Variants in BTBD9 observed in about 807,000 individuals in gnomAD.
The protein encoded by BTBD9 is BTB domain containing 9, also known as BTB/POZ domain-containing protein 9.
In BTBD9, 49 loss-of-function variants were observed where a neutral mutation model predicts 64.3. The observed-to-expected ratio is 0.76, with a 90% CI of 0.61 to 0.97. BTBD9 has a LOEUF of 0.97. Among genes scored for constraint, BTBD9 ranks in the 50% least tolerant of loss-of-function variants. The probability of loss-of-function intolerance (pLI) is 0.00; values close to 1 mark genes in which losing one functional copy is unlikely to be tolerated. For synonymous variants in BTBD9, 260 were observed against 274.7 expected (o/e 0.95, Z 0.53); for missense variants, 598 against 762.1 (o/e 0.78, Z 2.53).
chr6:38,349,674 C>T (rs1764423861), intron 6 of BTBD9, among the ~76,000 whole-genome samples: 2 of 152,064 alleles, frequency 1.3e-5, no homozygotes, highest in Non-Finnish European at 2.9e-5. Context: ...CAGGCATCCA[C>T]TGAAGGTCTT....
intron 6 of BTBD9, among the ~76,000 whole-genome samples, chr6:38,378,098 T>C (rs1397244864): frequency 6.6e-6 from 1 of 152,088 alleles, no homozygotes; most frequent in Non-Finnish European, 1.5e-5. Context: ...GTCCTCCCAG[T>C]GGAGGACGAC....
At chr6:38,570,260 A>G (rs1562354957) in intron 6 of BTBD9, among the ~76,000 whole-genome samples, 1 of 152,184 alleles carries the variant, frequency 6.6e-6, no homozygotes, top group Non-Finnish European at 1.5e-5. Context: ...CCAAAGAGGT[A>G]GTAAGAGCTT....
chr6:38,401,281 T>C (rs934029141), intron 6 of BTBD9, among the ~76,000 whole-genome samples: 1 of 152,178 alleles, frequency 6.6e-6, no homozygotes, highest in African/African-American at 2.4e-5. Flanking sequence ...CCTGCCACCA[T>C]GTAAAATGTG....
intron 6 of BTBD9, among the ~76,000 whole-genome samples, chr6:38,558,432 T>C (rs1416357597): frequency 6.6e-6 from 1 of 152,190 alleles, no homozygotes; most frequent in East Asian, 1.9e-4. Flanking sequence ...TTCAGTACTA[T>C]GTTGAATAGG....
chr6:38,525,127 T>G (rs1238812812), intron 6 of BTBD9, among the ~76,000 whole-genome samples: 1 of 152,204 alleles, frequency 6.6e-6, no homozygotes, highest in Non-Finnish European at 1.5e-5. Context: ...TCATCTTGAA[T>G]TGTAATCCCC....
intron 6 of BTBD9, among the ~76,000 whole-genome samples, chr6:38,512,815 A>C (rs1158455740): frequency 6.6e-6 from 1 of 152,214 alleles, no homozygotes; most frequent in Non-Finnish European, 1.5e-5. Flanking sequence ...TATTATATTG[A>C]TAGAATTTTG....
chr6:38,357,988 C>G (rs1188364274), intron 6 of BTBD9, among the ~76,000 whole-genome samples: 1 of 151,970 alleles, frequency 6.6e-6, no homozygotes, highest in Non-Finnish European at 1.5e-5. Flanking sequence ...CAGAAAGATT[C>G]AAATCATTGA....
rs985530050 is a variant in BTBD9, at chr6:38,169,733, C to T, written c.*5252G>A. ...GACACTAGTGGGGACAGGTGTGTAG[C>T]TCCTGGCTGCAGGGCCTCCTCCACC... On this transcript the variant is annotated 3_prime_UTR_variant, in exon 11 of 11. Coordinates refer to ENST00000481247, the MANE Select transcript of BTBD9 (RefSeq NM_001099272.2). The T allele has an allele frequency of 7.2e-5, 11 of 152,246 alleles. No individual in the cohort carries two copies. The highest frequency in any genetic ancestry group is 2.4e-4 in the African/African-American group (10 of 41,412). 9.4% of individuals were successfully genotyped at this position (152,246 alleles called of 1,614,324 possible).
intron 7 of BTBD9, among the ~76,000 whole-genome samples, chr6:38,330,225 G>A (rs953920907): frequency 9.9e-5 from 15 of 151,918 alleles, no homozygotes; most frequent in African/African-American, 3.6e-4. Flanking sequence ...GCTAATTTTT[G>A]CATTTTTAGT....
chr6:38,294,919 G>A (rs888077084), intron 7 of BTBD9, among the ~76,000 whole-genome samples: 1 of 151,220 alleles, frequency 6.6e-6, no homozygotes, highest in Non-Finnish European at 1.5e-5. Flanking sequence ...TGTGAAATGG[G>A]ATCTCAGTGT....
intron 7 of BTBD9, among the ~76,000 whole-genome samples, chr6:38,298,738 T>C (rs1762259834): frequency 6.6e-6 from 1 of 152,202 alleles, no homozygotes; most frequent in East Asian, 1.9e-4. Flanking sequence ...ATCAACTTTT[T>C]AAGCTCCCAA....
chr6:38,595,727 G>C, intron 2 of BTBD9: 1 of 980,644 alleles, frequency 1.0e-6, no homozygotes, highest in Non-Finnish European at 1.2e-6. Flanking sequence ...CAGAAAAATA[G>C]TTGAAACCAC....
At position 38,184,255 on chromosome 6, in the gene BTBD9, C is replaced by T. The variant is rs534746151; in HGVS notation, c.1641+8264G>A. On this transcript the variant is annotated intron_variant, in intron 10 of 10. Coordinates refer to ENST00000481247, the MANE Select transcript of BTBD9 (RefSeq NM_001099272.2). This position sits in a 1 kb window ranked among gnomAD's most constrained non-coding sequence, Gnocchi z 4.4. The stretch of plus-strand genomic sequence containing the variant: ...CTGGTACAATGCAGATTCACAGGTA[C>T]CAGGCTGCCCGCTGGGCTTGACTAT... Among the ~76,000 whole-genome samples the T allele has an allele frequency of 3.9e-5, 6 of 152,214 alleles. No individual in the cohort carries two copies. Among genetic ancestry groups the T allele is most frequent in the African/African-American group, 7.2e-5 (3 of 41,458 alleles).
At chr6:38,608,605 T>C (rs1307133013) in intron 1 of BTBD9, among the ~76,000 whole-genome samples, 2 of 152,232 alleles carry the variant, frequency 1.3e-5, no homozygotes, top group Non-Finnish European at 2.9e-5. Context: ...CATTACTGTC[T>C]GTGTAAAGGA....
rs57568036 is a variant in BTBD9, at chr6:38,374,283, G to GTATATATATATA, written c.1155-29202_1155-29191dup. Reference sequence around the variant, plus strand: ...GGCCTTGTGTCGAAAAAAAAAAAAAGTATATATATATATGTATATATATGT... The same window carrying GTATATATATATA: ...GGCCTTGTGTCGAAAAAAAAAAAAAGTATATATATATATATATATATATATGTATATATATGT... On this transcript the variant is annotated intron_variant, in intron 6 of 10. Transcript: ENST00000481247. Among the ~76,000 whole-genome samples, 173 of 45,356 alleles carry GTATATATATATA rather than the reference G, an allele frequency of 3.8e-3. 3 individuals carry two copies. The highest frequency in any genetic ancestry group is 0.018 in the African/African-American group (114 of 6,170). 29.8% of individuals were successfully genotyped at this position (45,356 alleles called of 152,430 possible).
intron 6 of BTBD9, among the ~76,000 whole-genome samples, chr6:38,425,515 T>A (rs1423467647): frequency 6.6e-6 from 1 of 151,878 alleles, no homozygotes; most frequent in Admixed American, 6.5e-5. Context: ...TATGTGGGAT[T>A]CATTTTAAGC....
chr6:38,222,461 G>A (rs963531537), intron 9 of BTBD9, among the ~76,000 whole-genome samples: 47 of 151,820 alleles, frequency 3.1e-4, no homozygotes, highest in Middle Eastern at 3.4e-3. Flanking sequence ...GGGTTTCACC[G>A]TGTTAGCCAG....
At chr6:38,178,939 G>A (rs12202872) in intron 10 of BTBD9, among the ~76,000 whole-genome samples, 10,883 of 152,110 alleles carry the variant, frequency 0.072, 524 homozygotes, top group Non-Finnish European at 0.11. Flanking sequence ...TGCAACCTCC[G>A]CCTCCCAGGT....
At chr6:38,412,810 G>C (rs1462047135) in intron 6 of BTBD9, among the ~76,000 whole-genome samples, 1 of 152,022 alleles carries the variant, frequency 6.6e-6, no homozygotes, top group Non-Finnish European at 1.5e-5. Flanking sequence ...AGTGAGCCGA[G>C]ATCAGACCAC....
Sources: allele counts gnomAD v4.1 joint callset (sites outside exome capture counted in the v4.1 genomes callset), GRCh38; gene constraint gnomAD v4.1.1; non-coding constraint Gnocchi (gnomAD v3.1); transcripts MANE v1.5; gene names NCBI Gene and HGNC (gene_info 2026-07-23, HGNC 2026-07-21).